SAMD5: variants seen among roughly 807,000 people sequenced by gnomAD.
SAMD5 encodes sterile alpha motif domain-containing protein 5.
SAMD5 carries 13 observed loss-of-function variants against 11.3 expected under a neutral mutation model. That is an observed-to-expected ratio of 1.15 (90% CI 0.75 to 1.83). The LOEUF is 1.83. Ranked by LOEUF, SAMD5 falls within the 40% of genes most tolerant of loss-of-function variation. The pLI, the probability that SAMD5 is intolerant of heterozygous loss-of-function variation, is 0.00. For synonymous variants in SAMD5, 129 were observed against 111.3 expected (o/e 1.16, Z -1.00); for missense variants, 255 against 239.1 (o/e 1.07, Z -0.44).
chr6:147,675,604 C>T (rs1315454590), intron 1 of SAMD5, among the ~76,000 whole-genome samples: 2 of 152,206 alleles, frequency 1.3e-5, no homozygotes, highest in East Asian at 3.9e-4. Context: ...TGGTTGTTAG[C>T]TTCTGATTTA....
At chr6:147,655,941 AT>A in intron 1 of SAMD5, among the ~76,000 whole-genome samples, 1 of 152,358 alleles carries the variant, frequency 6.6e-6, no homozygotes, top group African/African-American at 2.4e-5. Context: ...TATAGCAGTT[AT>A]GGATATCTAT....
chr6:147,884,838 T>C, the SAMD5 span, among the ~76,000 whole-genome samples: 1 of 152,192 alleles, frequency 6.6e-6, no homozygotes, highest in South Asian at 2.1e-4. Context: ...TATAACTGCA[T>C]GACTTAGCTG....
intron 1 of SAMD5, among the ~76,000 whole-genome samples, chr6:147,543,250 G>A (rs1326026502): frequency 6.6e-6 from 1 of 152,142 alleles, no homozygotes; most frequent in Non-Finnish European, 1.5e-5. Context: ...TTTTATCCCT[G>A]TTTACATTAA....
the SAMD5 span, among the ~76,000 whole-genome samples, chr6:147,882,522 G>T: frequency 1.3e-5 from 2 of 152,200 alleles, no homozygotes; most frequent in Admixed American, 6.5e-5. Flanking sequence ...CCAGGCTGCA[G>T]TGCGCTATGT....
chr6:147,696,882 T>C (rs1791183376), intron 1 of SAMD5, among the ~76,000 whole-genome samples: 1 of 152,202 alleles, frequency 6.6e-6, no homozygotes, highest in Non-Finnish European at 1.5e-5. Context: ...GCAAGGCCAC[T>C]GGGGTAGAGA....
the SAMD5 span, among the ~76,000 whole-genome samples, chr6:147,895,590 T>A: frequency 6.6e-6 from 1 of 152,162 alleles, no homozygotes. Flanking sequence ...CTGCCATTGT[T>A]CAGATCCTTG....
At chr6:147,757,268 A>G in the SAMD5 span, among the ~76,000 whole-genome samples, 3 of 152,214 alleles carry the variant, frequency 2.0e-5, no homozygotes, top group Admixed American at 1.3e-4. Flanking sequence ...ATAGTTATAT[A>G]TAAGTATTCA....
At chr6:147,682,587 G>A (rs916104565) in intron 1 of SAMD5, among the ~76,000 whole-genome samples, 41 of 152,244 alleles carry the variant, frequency 2.7e-4, no homozygotes, top group Middle Eastern at 6.8e-3. Flanking sequence ...TATACCTGAG[G>A]AAAGCCAAGC....
the SAMD5 span, among the ~76,000 whole-genome samples, chr6:147,817,077 G>A: frequency 3.3e-5 from 5 of 150,968 alleles, no homozygotes; most frequent in Admixed American, 1.3e-4. Flanking sequence ...GAAAGCCTTT[G>A]CTCTGAAAGC....
intron 1 of SAMD5, among the ~76,000 whole-genome samples, chr6:147,718,379 TA>T (rs907379495): frequency 6.6e-6 from 1 of 152,176 alleles, no homozygotes; most frequent in African/African-American, 2.4e-5. Flanking sequence ...AAGGAATTCT[TA>T]CCATGGTTTT....
At chr6:147,510,314 C>G (rs1320634102) in intron 1 of SAMD5, among the ~76,000 whole-genome samples, 2 of 152,186 alleles carry the variant, frequency 1.3e-5, no homozygotes, top group African/African-American at 4.8e-5. Context: ...AGCTGCGAGT[C>G]TGTTCCGTTT....
At chr6:147,589,377 C>T (rs1099439) in intron 1 of SAMD5, among the ~76,000 whole-genome samples, 7,665 of 152,268 alleles carry the variant, frequency 0.05, 257 homozygotes, top group African/African-American at 0.1. Context: ...CCACTTCTCT[C>T]CACCTCTGAT....
chr6:147,749,134 T>C, the SAMD5 span, among the ~76,000 whole-genome samples: 1 of 152,042 alleles, frequency 6.6e-6, no homozygotes, highest in Non-Finnish European at 1.5e-5. Context: ...AAGTTTTTGA[T>C]AGGAAATGTT....
At chr6:147,865,534 T>C in the SAMD5 span, among the ~76,000 whole-genome samples, 112,390 of 152,082 alleles carry the variant, frequency 0.74, 41,715 homozygotes, top group Admixed American at 0.76. Flanking sequence ...TTAGCAGCTT[T>C]GCAATTCTAA....
chr6:147,919,377 T>G, the SAMD5 span, among the ~76,000 whole-genome samples: 1 of 152,158 alleles, frequency 6.6e-6, no homozygotes, highest in South Asian at 2.1e-4. Context: ...GTCATGTTTT[T>G]TTAATATTTG....
chr6:147,597,470 T>A (rs1390909248), intron 1 of SAMD5, among the ~76,000 whole-genome samples: 6 of 152,224 alleles, frequency 3.9e-5, no homozygotes, highest in African/African-American at 7.2e-5. Context: ...CACTCACGTA[T>A]GTGACATACT....
At chr6:147,809,860 A>C in the SAMD5 span, among the ~76,000 whole-genome samples, 1 of 152,208 alleles carries the variant, frequency 6.6e-6, no homozygotes, top group Non-Finnish European at 1.5e-5. Flanking sequence ...ATAGCTAAAA[A>C]CGTCTCCAGA....
At chr6:147,950,118 A>C in the SAMD5 span, among the ~76,000 whole-genome samples, 1 of 152,216 alleles carries the variant, frequency 6.6e-6, no homozygotes, top group Non-Finnish European at 1.5e-5. Flanking sequence ...GGAGAAGGGA[A>C]GGCATTGAAA....
At chr6:147,945,385 T>C in the SAMD5 span, among the ~76,000 whole-genome samples, 1 of 152,240 alleles carries the variant, frequency 6.6e-6, no homozygotes, top group Admixed American at 6.5e-5. Flanking sequence ...TACCTCCAAA[T>C]TGTACATTTC....
Sources: gnomAD v4.1 joint callset for allele counts (sites outside exome capture counted in the v4.1 genomes callset) on GRCh38, gnomAD v4.1.1 for gene constraint, MANE v1.5 for transcripts, NCBI Gene and HGNC (gene_info 2026-07-23, HGNC 2026-07-21) for gene names.